The following PCYOX1L variants were observed in gnomAD, a reference collection of about 807,000 sequenced individuals.
PCYOX1L encodes prenylcysteine oxidase 1-like.
In PCYOX1L, 40 loss-of-function variants were observed where a neutral mutation model predicts 44.1. That is an observed-to-expected ratio of 0.91 (90% CI 0.70 to 1.18). The LOEUF (loss-of-function observed/expected upper bound fraction) is 1.18. PCYOX1L is among the 50% of genes most tolerant of loss of function. The pLI is 0.00. For missense variants in PCYOX1L, 605 were observed against 653.3 expected, an observed-to-expected ratio of 0.93 and a Z score of 0.81; for synonymous variants, 266 against 282.8, an observed-to-expected ratio of 0.94 and a Z score of 0.60.
Position 149,366,093 on chromosome 5 carries a change from G to A in PCYOX1L, c.622G>A (p.Val208Ile), listed in dbSNP as rs1758189186. 2 of 1,614,004 alleles carry A rather than the reference G, an allele frequency of 1.2e-6. No individual in the cohort carries two copies. Among genetic ancestry groups the A allele is most frequent in the South Asian group, 1.1e-5 (1 of 91,080 alleles). ...VGVTQRFIDD[V>I]VSAVLRASYG... ...CGTCACGCAGCGCTTTATTGATGAT[G>A]TCGTTTCTGCTGTCCTGCGGGCCAG... Residue 208 changes from valine (V) to isoleucine (I), a missense_variant, in exon 4 of 6, where the codon GTC becomes ATC. Coordinates refer to ENST00000274569, the MANE Select transcript of PCYOX1L (RefSeq NM_024028.4).
In PCYOX1L at chr5:149,368,666, A is replaced by T. The variant is rs764017606; in HGVS notation, c.*12A>T. The T allele has an allele frequency of 4.7e-6, 7 of 1,501,106 alleles. No individual in the cohort carries two copies. Among genetic ancestry groups the T allele is most frequent in the Non-Finnish European group, 6.2e-6 (7 of 1,132,530 alleles). 93.0% of individuals were successfully genotyped at this position (1,501,106 alleles called of 1,614,324 possible). A position where few individuals can be genotyped will look rare whatever the true frequency, so the allele number is the denominator to read the frequency against. ...AGACTGAACTGTGAGGGCTCTAGGG[A>T]GAGCCTGGGAACTTTCATCCCCCAC... On this transcript the variant is annotated 3_prime_UTR_variant, in exon 6 of 6. Transcript: ENST00000274569.
intron 1 of PCYOX1L, among the ~76,000 whole-genome samples, chr5:149,360,399 G>T (rs573214513): frequency 6.6e-6 from 1 of 152,190 alleles, no homozygotes; most frequent in East Asian, 1.9e-4. Context: ...CACATGGAGG[G>T]GATGGGAGCA....
At position 149,362,423 on chromosome 5, in the gene PCYOX1L, G is replaced by A. The variant is rs1758032925; in HGVS notation, c.89-214G>A. ...CAAAATACCTTTTTCTTTATGAAACGAAAGTATAGTAGGCAGCAGTTTTCA... is the reference window on the plus strand; with the variant it reads ...CAAAATACCTTTTTCTTTATGAAACAAAAGTATAGTAGGCAGCAGTTTTCA... On this transcript the variant is annotated intron_variant, in intron 1 of 5. Transcript: ENST00000274569. 27 of 549,742 alleles carry A rather than the reference G, an allele frequency of 4.9e-5. 1 individual carries two copies. In the South Asian group the frequency reaches 5.2e-4, roughly 11 times the overall value. The allele number at this position is 549,742 out of a possible 1,614,324, so 34.1% of individuals were successfully genotyped here. A position where few individuals can be genotyped will look rare whatever the true frequency, so the allele number is the denominator to read the frequency against.
chr5:149,368,492 C>T lies in PCYOX1L; in HGVS notation c.1323C>T (p.Asp441=), dbSNP rs1170478871. The change falls in exon 6 of 6, where the codon GAC becomes GAT. Residue 441 remains aspartate (D), a synonymous_variant. Transcript: ENST00000274569. ...CGCTCCCGAGGTTTGCACTCCATGA[C>T]CAGCTCTTCTACCTCAATGCCCTGG... ...RPTLPRFALH[D]QLFYLNALEW... is the part of the protein sequence containing the mutation. 1.9e-6 allele frequency: 3 copies of T among 1,612,594 alleles called. No individual in the cohort carries two copies. Among genetic ancestry groups the T allele is most frequent in the Admixed American group, 3.3e-5 (2 of 59,922 alleles).
At chr5:149,360,527 G>T (rs1253627533) in intron 1 of PCYOX1L, among the ~76,000 whole-genome samples, 1 of 152,184 alleles carries the variant, frequency 6.6e-6, no homozygotes, top group Non-Finnish European at 1.5e-5. Context: ...TGTCCACCAG[G>T]ATCTGGGGAC....
chr5:149,363,972 C>T, intron 2 of PCYOX1L, 64 bp from the exon 3 acceptor site: 1 of 1,571,308 alleles, frequency 6.4e-7, no homozygotes, highest in Non-Finnish European at 8.7e-7. Context: ...TGGACCAGTC[C>T]ATTTGCATCA....
At chr5:149,362,556 G>A in intron 1 of PCYOX1L, 81 bp from the exon 2 acceptor site, 1 of 1,453,224 alleles carries the variant, frequency 6.9e-7, no homozygotes, top group East Asian at 2.3e-5. Context: ...CACCAGCGCA[G>A]GAGGATACAA....
At position 149,366,017 on chromosome 5, in the gene PCYOX1L, C is replaced by A. The variant is rs770125910; in HGVS notation, c.546C>A (p.Thr182=). The part of the protein sequence containing the change: ...EELLYSLGES[T]FVNMTQHSVA... ...TGCTCTACTCACTGGGGGAGTCCAC[C>A]TTTGTTAACATGACCCAGCACTCTG... is the stretch of plus-strand genomic sequence containing the variant. Residue 182 remains threonine (T), a synonymous_variant, in exon 4 of 6, where the codon ACC becomes ACA. Coordinates refer to ENST00000274569, the MANE Select transcript of PCYOX1L (RefSeq NM_024028.4). 1.2e-6 allele frequency: 2 copies of A among 1,614,248 alleles called. No individual in the cohort carries two copies. Among genetic ancestry groups the A allele is most frequent in the Non-Finnish European group, 1.7e-6 (2 of 1,180,030 alleles).
rs548477817 is a variant in PCYOX1L at position 149,368,210 on chromosome 5, T to C, written c.1041T>C (p.Gly347=). The change falls in exon 6 of 6, where the codon GGT becomes GGC. Residue 347 remains glycine (G), a synonymous_variant. Coordinates refer to ENST00000274569, the MANE Select transcript of PCYOX1L (RefSeq NM_024028.4). ...VHGYLNSSYF[G]FPDPKLFPFA... is the part of the protein sequence containing the mutation. ...GCTACCTCAACTCGTCCTACTTCGGTTTCCCAGACCCTAAGCTTTTCCCCT... is the reference window on the plus strand; with the variant it reads ...GCTACCTCAACTCGTCCTACTTCGGCTTCCCAGACCCTAAGCTTTTCCCCT... The C allele has an allele frequency of 6.2e-7, 1 of 1,614,058 alleles. No homozygotes were observed. The highest frequency in any genetic ancestry group is 1.3e-5 in the African/African-American group (1 of 74,988).
At chr5:149,364,437 A>G (rs192103980) in intron 3 of PCYOX1L, 329 of 488,436 alleles carry the variant, frequency 6.7e-4, no homozygotes, top group Middle Eastern at 2.2e-3. Flanking sequence ...CTTACCCTCT[A>G]CTACACTGAT....
chr5:149,364,242 C>G, intron 3 of PCYOX1L, 32 bp downstream of exon 3: 1 of 1,610,958 alleles, frequency 6.2e-7, no homozygotes, highest in South Asian at 1.1e-5. Flanking sequence ...GGATGGCGTT[C>G]CAGGGGAACC....
At chr5:149,367,578 A>T in intron 5 of PCYOX1L, 78 bp downstream of exon 5, 1 of 1,566,940 alleles carries the variant, frequency 6.4e-7, no homozygotes, top group Non-Finnish European at 8.6e-7. Flanking sequence ...TTTGTACCTC[A>T]GCCCTGGTCT....
intron 4 of PCYOX1L, among the ~76,000 whole-genome samples, chr5:149,366,936 G>T (rs1271545603): frequency 6.6e-6 from 1 of 152,112 alleles, no homozygotes; most frequent in African/African-American, 2.4e-5. Context: ...CAATTCAGTG[G>T]TTTTTAGCAC....
intron 3 of PCYOX1L, 80 bp downstream of exon 3, chr5:149,364,290 T>G: frequency 5.2e-6 from 8 of 1,536,356 alleles, no homozygotes; most frequent in Non-Finnish European, 7.0e-6. Context: ...GCCTGTACTT[T>G]GTGAAAAAGG....
chr5:149,364,700 C>A, intron 3 of PCYOX1L: 1 of 154,566 alleles, frequency 6.5e-6, no homozygotes. Flanking sequence ...CATTTGCAAC[C>A]AATTCATCTT....
In PCYOX1L at chr5:149,368,530, G is replaced by C; in HGVS notation, c.1361G>C (p.Ser454Thr). 1 of 1,609,482 alleles carries C rather than the reference G, an allele frequency of 6.2e-7. No homozygotes were observed. Among genetic ancestry groups the C allele is most frequent in the Non-Finnish European group, 8.5e-7 (1 of 1,177,884 alleles). The change falls in exon 6 of 6, where the codon AGC becomes ACC. Residue 454 changes from serine to threonine, a missense_variant. Ser to Thr is a moderately conservative substitution (Grantham distance 58). Transcript: ENST00000274569. ...CTCAATGCCCTGGAGTGGGCGGCCAGCTCCGTGGAGGTGATGGCCGTGGCT... is the reference window on the plus strand; with the variant it reads ...CTCAATGCCCTGGAGTGGGCGGCCACCTCCGTGGAGGTGATGGCCGTGGCT... ...FYLNALEWAASSVEVMAVAAK... is the reference protein window; with the variant it reads ...FYLNALEWAATSVEVMAVAAK...
At chr5:149,362,348 T>G (rs936249171) in intron 1 of PCYOX1L, 9 of 425,990 alleles carry the variant, frequency 2.1e-5, no homozygotes, top group Admixed American at 1.5e-4. Flanking sequence ...AAATTTATTC[T>G]CTTTAATTGG....
intron 1 of PCYOX1L, among the ~76,000 whole-genome samples, chr5:149,360,702 C>A (rs571213782): frequency 6.6e-6 from 1 of 152,278 alleles, no homozygotes; most frequent in African/African-American, 2.4e-5. Context: ...CAGTGAGACA[C>A]AGGGTGATGG....
chr5:149,362,991 G>A, intron 2 of PCYOX1L, 148 bp downstream of exon 2: 1 of 945,626 alleles, frequency 1.1e-6, no homozygotes, highest in Non-Finnish European at 1.6e-6. Flanking sequence ...ACAAGAGAGG[G>A]GAAGGAACTT....
Sources: allele counts gnomAD v4.1 joint callset (sites outside exome capture counted in the v4.1 genomes callset), GRCh38; gene constraint gnomAD v4.1.1; transcripts MANE v1.5; gene names NCBI Gene and HGNC (gene_info 2026-07-23, HGNC 2026-07-21).